Variants in FBXO42 observed in about 807,000 individuals in gnomAD.
FBXO42 encodes the protein F-box protein 42.
A neutral mutation model predicts 71.7 loss-of-function variants in FBXO42; 12 were observed. The observed-to-expected ratio is 0.17, with a 90% CI of 0.11 to 0.27. The LOEUF is 0.27. FBXO42 is among the 10% of genes least tolerant of loss of function. FBXO42 has a pLI of 1.00. For synonymous variants in FBXO42, 325 were observed against 327.5 expected (o/e 0.99, Z 0.08); for missense variants, 707 against 911.9 (o/e 0.78, Z 2.89).
intron 4 of FBXO42, among the ~76,000 whole-genome samples, chr1:16,265,780 TA>T (rs35779272): frequency 0.31 from 44,841 of 142,658 alleles, 7,126 homozygotes; most frequent in Non-Finnish European, 0.39. Context: ...AAGTCCCTAT[TA>T]AAAAAAAAAA....
chr1:16,301,123 T>C (rs1191285236), intron 3 of FBXO42, among the ~76,000 whole-genome samples: 1 of 152,034 alleles, frequency 6.6e-6, no homozygotes, highest in Non-Finnish European at 1.5e-5. Flanking sequence ...GGTCTCCAAC[T>C]CCTGGCCTGA....
At position 16,352,382 on chromosome 1, in the gene FBXO42, C is replaced by A. The variant is rs1054980680; in HGVS notation, c.-145G>T. The A allele has an allele frequency of 1.5e-5, 6 of 399,222 alleles. No individual in the cohort carries two copies. Among genetic ancestry groups the A allele is most frequent in the African/African-American group, 6.2e-5 (3 of 48,624 alleles). The allele number at this position is 399,222 out of a possible 1,614,324, so 24.7% of individuals were successfully genotyped here. The stretch of plus-strand genomic sequence containing the variant: ...CAGCCGTGCTCGGGGCTCCTCACAG[C>A]TGGCGGGACCCCGAGCCGCCCGGAG... On this transcript the variant is annotated 5_prime_UTR_variant, in exon 1 of 10. Transcript: ENST00000375592.
rs1024015418 is a variant in FBXO42, at chr1:16,248,302, G to A, written c.*2368C>T. The A allele has an allele frequency of 2.6e-5, 4 of 152,152 alleles. No homozygotes were observed. The highest frequency in any genetic ancestry group is 7.2e-5 in the African/African-American group (3 of 41,414). The allele number at this position is 152,152 out of a possible 1,614,324, so 9.4% of individuals were successfully genotyped here. ...GAGCTACCAAGACCAACCATAATGG[G>A]GGCAGACAAGGCAGATTTTTCTTAA... On this transcript the variant is annotated 3_prime_UTR_variant, in exon 10 of 10. Coordinates refer to ENST00000375592, the MANE Select transcript of FBXO42 (RefSeq NM_018994.3).
chr1:16,287,802 G>C (rs760228929), intron 4 of FBXO42, among the ~76,000 whole-genome samples: 1 of 151,936 alleles, frequency 6.6e-6, no homozygotes, highest in Non-Finnish European at 1.5e-5. Context: ...TCAAACTCTC[G>C]GCCAGGCACA....
chr1:16,294,689 A>G (rs2082111241), intron 4 of FBXO42, 94 bp downstream of exon 4: 4 of 1,391,328 alleles, frequency 2.9e-6, no homozygotes, highest in African/African-American at 1.4e-5. Context: ...CCAGTAACCC[A>G]TCCTTGAGAC....
rs2100531207 is a variant in FBXO42, at chr1:16,294,899, G to A, written c.386C>T (p.Ala129Val). Reference protein sequence around the residue: ...RFSHSACYYDANQSMYVFGGC... With the variant: ...RFSHSACYYDVNQSMYVFGGC... ...TCCAAACACATACATAGACTGATTA[G>A]CATCATAATAGCATGCACCTAGAAA... Residue 129 changes from alanine (A) to valine (V), a missense_variant, in exon 4 of 10, where the codon GCT (alanine) becomes GTT (valine). Ala to Val is a moderately conservative substitution (Grantham distance 64). Around this residue, in one of 5 missense-constraint regions of FBXO42, gnomAD observed 188 missense variants for 230.5 expected, o/e 0.82. Transcript: ENST00000375592. 7 of 1,609,828 alleles carry A rather than the reference G, an allele frequency of 4.3e-6. No individual in the cohort carries two copies. Among genetic ancestry groups the A allele is most frequent in the Non-Finnish European group, 5.9e-6 (7 of 1,178,418 alleles).
chr1:16,331,998 G>A (rs573197867), intron 1 of FBXO42, among the ~76,000 whole-genome samples: 3 of 152,030 alleles, frequency 2.0e-5, no homozygotes, highest in South Asian at 4.2e-4. Context: ...GTGTTGAGCC[G>A]AGATCGTGCC....
In FBXO42 at chr1:16,270,751, T is replaced by TGCAC. The variant is rs1553150254; in HGVS notation, c.503-13993_503-13992insGTGC. On this transcript the variant is annotated intron_variant, in intron 4 of 9. Transcript: ENST00000375592. ...TCCAAATCCCTTACTTACCATGAGATACACACACACACACACACACACACA... is the reference window on the plus strand; with the variant it reads ...TCCAAATCCCTTACTTACCATGAGATGCACACACACACACACACACACACACACA... Among the ~76,000 whole-genome samples, 481 of 110,998 alleles carry TGCAC rather than the reference T, an allele frequency of 4.3e-3. 3 individuals carry two copies. Among genetic ancestry groups the TGCAC allele is most frequent in the African/African-American group, 0.016 (452 of 28,180 alleles). The allele number at this position is 110,998 out of a possible 152,430, so 72.8% of individuals were successfully genotyped here. A position where few individuals can be genotyped will look rare whatever the true frequency, so the allele number is the denominator to read the frequency against.
chr1:16,278,432 T>C (rs2081927917), intron 4 of FBXO42, among the ~76,000 whole-genome samples: 1 of 152,136 alleles, frequency 6.6e-6, no homozygotes. Context: ...GTTTGGGACC[T>C]GAGCCAAAGG....
At chr1:16,336,740 T>C (rs1383008698) in intron 1 of FBXO42, among the ~76,000 whole-genome samples, 1 of 151,234 alleles carries the variant, frequency 6.6e-6, no homozygotes, top group Non-Finnish European at 1.5e-5. Context: ...TCCCAACACT[T>C]TGGGAGGCTA....
intron 1 of FBXO42, among the ~76,000 whole-genome samples, chr1:16,335,290 C>T (rs1198348497): frequency 1.3e-5 from 2 of 151,972 alleles, no homozygotes; most frequent in East Asian, 3.9e-4. Flanking sequence ...CAGGTGCACA[C>T]CATCAAGACC....
chr1:16,347,747 T>C (rs1007277866), intron 1 of FBXO42, among the ~76,000 whole-genome samples: 2 of 152,064 alleles, frequency 1.3e-5, no homozygotes, highest in Non-Finnish European at 2.9e-5. Context: ...CCCCACACTT[T>C]GGGAGGCCGA....
intron 1 of FBXO42, 122 bp from the exon 2 acceptor site, chr1:16,315,557 G>T: frequency 1.0e-6 from 1 of 953,148 alleles, no homozygotes; most frequent in Non-Finnish European, 1.5e-6. Flanking sequence ...CTGCTCTTCA[G>T]CACTTTCCAA....
intron 4 of FBXO42, among the ~76,000 whole-genome samples, chr1:16,269,367 G>A (rs2081813943): frequency 6.6e-6 from 1 of 151,236 alleles, no homozygotes. Flanking sequence ...GGGATTACAG[G>A]TATAAACCAC....
At chr1:16,254,128 T>G in intron 6 of FBXO42, among the ~76,000 whole-genome samples, 1 of 152,210 alleles carries the variant, frequency 6.6e-6, no homozygotes, top group Admixed American at 6.5e-5. Context: ...TCCCTAGAAG[T>G]CATCCTGAGA....
At chr1:16,258,204 A>T (rs752149387) in intron 4 of FBXO42, among the ~76,000 whole-genome samples, 23 of 151,702 alleles carry the variant, frequency 1.5e-4, no homozygotes, top group East Asian at 6.4e-4. Flanking sequence ...GGTGTCACTT[A>T]CAAAGTCTCA....
At chr1:16,337,110 A>C (rs1214586322) in intron 1 of FBXO42, among the ~76,000 whole-genome samples, 1 of 152,210 alleles carries the variant, frequency 6.6e-6, no homozygotes, top group Non-Finnish European at 1.5e-5. Context: ...ATAAAAGAAC[A>C]ACCAAATCAT....
At chr1:16,333,208 A>G (rs982946848) in intron 1 of FBXO42, among the ~76,000 whole-genome samples, 9 of 152,162 alleles carry the variant, frequency 5.9e-5, no homozygotes, top group African/African-American at 2.2e-4. Flanking sequence ...ATTTGTTGAG[A>G]GAGGTGGCCT....
intron 4 of FBXO42, among the ~76,000 whole-genome samples, chr1:16,270,751 T>C (rs1045632606): frequency 3.5e-4 from 39 of 111,006 alleles, no homozygotes; most frequent in East Asian, 2.1e-3. Flanking sequence ...TACCATGAGA[T>C]ACACACACAC....
Sources: gnomAD v4.1 joint callset for allele counts (sites outside exome capture counted in the v4.1 genomes callset) on GRCh38, gnomAD v4.1.1 for gene constraint, gnomAD v4.1.1 regional missense constraint, MANE v1.5 for transcripts, NCBI Gene and HGNC (gene_info 2026-07-23, HGNC 2026-07-21) for gene names.